The following TOR1AIP1 variants were observed in gnomAD, a reference collection of about 807,000 sequenced individuals.
TOR1AIP1 encodes torsin-1A-interacting protein 1.
Under a neutral mutation model 63.3 loss-of-function variants are expected in TOR1AIP1, and 54 were observed. The ratio of observed to expected loss-of-function variants is 0.85; its 90% CI spans 0.69 to 1.07. The LOEUF (loss-of-function observed/expected upper bound fraction) is 1.07, where lower values mean the gene tolerates loss of function less well. Among genes scored for constraint, TOR1AIP1 ranks in the 50% least tolerant of loss-of-function variants. TOR1AIP1 has a pLI of 0.00. For synonymous variants in TOR1AIP1, 294 were observed against 273.5 expected (o/e 1.07, Z -0.74); for missense variants, 736 against 715.0 (o/e 1.03, Z -0.33).
chr1:179,919,920 CA>C lies in TOR1AIP1; in HGVS notation c.*1684del, dbSNP rs1649145527. On this transcript the variant is annotated 3_prime_UTR_variant, in exon 10 of 10. Coordinates refer to ENST00000606911, the MANE Select transcript of TOR1AIP1 (RefSeq NM_015602.4). ...TATACATACGTATTATATAGAGAAA[CA>C]AATGTTTTTATTAAATGTTTCATTG... 6.6e-6 allele frequency: 1 copy of C among 152,106 alleles called. No homozygotes were observed. Among genetic ancestry groups the C allele is most frequent in the Admixed American group, 6.6e-5 (1 of 15,264 alleles). The allele number at this position is 152,106 out of a possible 1,614,324, so 9.4% of individuals were successfully genotyped here. A position where few individuals can be genotyped will look rare whatever the true frequency, so the allele number is the denominator to read the frequency against.
intron 3 of TOR1AIP1, among the ~76,000 whole-genome samples, chr1:179,890,909 T>C (rs1648055146): frequency 6.6e-6 from 1 of 151,870 alleles, no homozygotes; most frequent in Admixed American, 6.6e-5. Flanking sequence ...CATGCACAAC[T>C]GCGCCCAACC....
intron 9 of TOR1AIP1, 69 bp downstream of exon 9, chr1:179,914,123 G>A: frequency 7.2e-7 from 1 of 1,390,210 alleles, no homozygotes; most frequent in Non-Finnish European, 1.0e-6. Flanking sequence ...GTTTAAAAAT[G>A]TTTTTTGACA....
intron 2 of TOR1AIP1, among the ~76,000 whole-genome samples, chr1:179,885,859 G>T (rs1284441907): frequency 6.6e-6 from 1 of 152,014 alleles, no homozygotes; most frequent in East Asian, 1.9e-4. Flanking sequence ...TCCTGCCATA[G>T]CCTCCTGAGT....
intron 9 of TOR1AIP1, among the ~76,000 whole-genome samples, chr1:179,914,652 G>A (rs779325111): frequency 1.8e-4 from 28 of 152,092 alleles, no homozygotes; most frequent in Non-Finnish European, 4.0e-4. Context: ...AAATTAGCTG[G>A]GCGTGGTGGC....
In TOR1AIP1 at chr1:179,882,795, A is replaced by T; in HGVS notation, c.293A>T (p.Glu98Val). 1.9e-6 allele frequency: 3 copies of T among 1,614,110 alleles called. No individual in the cohort carries two copies. The highest frequency in any genetic ancestry group is 4.5e-5 in the East Asian group (2 of 44,878). Residue 98 changes from glutamate to valine, a missense_variant, in exon 1 of 10, where the codon GAA (glutamate) becomes GTA (valine). Glu to Val is a moderately radical substitution (Grantham distance 121, BLOSUM62 -2). Transcript: ENST00000606911. ...TTCCGGTCCGATTCTGCGAAAGAGG[A>T]AGTGAGAGAAAGCGCGTACTACCTT... ...EEFRSDSAKE[E>V]VRESAYYLRS...
At chr1:179,917,077 AT>A (rs1326232851) in intron 9 of TOR1AIP1, among the ~76,000 whole-genome samples, 2 of 152,214 alleles carry the variant, frequency 1.3e-5, no homozygotes, top group African/African-American at 2.4e-5. Context: ...AATTAAAAAA[AT>A]ATTTTATAAA....
chr1:179,916,606 C>T (rs1035068874), intron 9 of TOR1AIP1, among the ~76,000 whole-genome samples: 4 of 151,594 alleles, frequency 2.6e-5, no homozygotes, highest in African/African-American at 9.7e-5. Flanking sequence ...CCAGTGTTAA[C>T]TTGCATACCA....
chr1:179,904,140 T>C lies in TOR1AIP1; in HGVS notation c.796+118T>C, dbSNP rs1026253867. On this transcript the variant is annotated intron_variant, in intron 6 of 9. Coordinates refer to ENST00000606911, the MANE Select transcript of TOR1AIP1 (RefSeq NM_015602.4). ...ATTGAACAAGAGGAATAATGAATGC[T>C]AAAAAAAAACTTATCCGATATCTCT... is the stretch of plus-strand genomic sequence containing the variant. The C allele has an allele frequency of 4.4e-5, 32 of 720,162 alleles. No individual in the cohort carries two copies. In the African/African-American group the frequency reaches 5.3e-4, roughly 12 times the overall value. The allele number at this position is 720,162 out of a possible 1,614,324, so 44.6% of individuals were successfully genotyped here.
intron 3 of TOR1AIP1, among the ~76,000 whole-genome samples, chr1:179,893,078 TA>T (rs1422373161): frequency 6.6e-6 from 1 of 151,852 alleles, no homozygotes; most frequent in African/African-American, 2.4e-5. Flanking sequence ...CTGTCTCTAC[TA>T]AAAATACAAA....
intron 9 of TOR1AIP1, among the ~76,000 whole-genome samples, chr1:179,914,456 T>C (rs1325546106): frequency 1.3e-5 from 2 of 152,164 alleles, no homozygotes; most frequent in Non-Finnish European, 2.9e-5. Context: ...TTGTGGCAAG[T>C]TTCTTTAGTT....
rs1365596054 is a variant in TOR1AIP1 at position 179,915,485 on chromosome 1, GT to G, written c.964+1432del. Among the ~76,000 whole-genome samples the G allele has an allele frequency of 2.0e-5, 3 of 152,264 alleles. No homozygotes were observed. The East Asian group carries it at 5.8e-4, about 29-fold the overall frequency. ...AAAAAAGTGTTAAAGGGTGGGGTTCGTGGCCCATGCCTGTAATCCCAACATT... is the reference window on the plus strand; with the variant it reads ...AAAAAAGTGTTAAAGGGTGGGGTTCGGGCCCATGCCTGTAATCCCAACATT... On this transcript the variant is annotated intron_variant, in intron 9 of 9. Coordinates refer to ENST00000606911, the MANE Select transcript of TOR1AIP1 (RefSeq NM_015602.4).
chr1:179,886,480 C>T (rs1158231206), intron 2 of TOR1AIP1, among the ~76,000 whole-genome samples: 1 of 152,100 alleles, frequency 6.6e-6, no homozygotes, highest in African/African-American at 2.4e-5. Flanking sequence ...GTTATTTGCC[C>T]TGCATAACTC....
chr1:179,901,273 A>G (rs752918452), intron 4 of TOR1AIP1, 29 bp from the exon 5 acceptor site: 5 of 1,457,232 alleles, frequency 3.4e-6, no homozygotes, highest in East Asian at 2.3e-5. Context: ...AAAATAGACT[A>G]TATTAGTATA....
At position 179,917,708 on chromosome 1, in the gene TOR1AIP1, T is replaced by A; in HGVS notation, c.1221T>A (p.Pro407=). The A allele has an allele frequency of 2.5e-6, 4 of 1,614,240 alleles. No homozygotes were observed. The highest frequency in any genetic ancestry group is 3.4e-6 in the Non-Finnish European group (4 of 1,180,048). ...ATAGCTCCCATCCTCGGTCTCAGCC[T>A]GCTATCTTACTGCTCACTGCTGCCC... is the stretch of plus-strand genomic sequence containing the variant. ...HLNSSHPRSQ[P]AILLLTAARD... The change falls in exon 10 of 10, where the codon CCT becomes CCA. Residue 407 remains proline (P), a synonymous_variant. Transcript: ENST00000606911.
At chr1:179,914,391 G>A (rs1289923777) in intron 9 of TOR1AIP1, among the ~76,000 whole-genome samples, 3 of 152,174 alleles carry the variant, frequency 2.0e-5, no homozygotes, top group East Asian at 1.9e-4. Flanking sequence ...AATGGCTTTC[G>A]GAGTCTGCAA....
chr1:179,895,833 C>T (rs1648248577), intron 3 of TOR1AIP1, among the ~76,000 whole-genome samples: 1 of 151,824 alleles, frequency 6.6e-6, no homozygotes, highest in South Asian at 2.1e-4. Context: ...CCGGGAGAAT[C>T]ACTTGAACCC....
chr1:179,883,002 C>A, intron 1 of TOR1AIP1, 25 bp downstream of exon 1: 1 of 1,589,308 alleles, frequency 6.3e-7, no homozygotes, highest in African/African-American at 1.3e-5. Context: ...GGTAACAGTC[C>A]CAGCCGCGAG....
intron 9 of TOR1AIP1, among the ~76,000 whole-genome samples, chr1:179,915,441 C>G (rs1403597044): frequency 6.6e-6 from 1 of 152,208 alleles, no homozygotes; most frequent in Non-Finnish European, 1.5e-5. Flanking sequence ...GTTAACATCA[C>G]TGCCAATCTC....
rs116651526 is a variant in TOR1AIP1, at chr1:179,883,363, C to T, written c.475+386C>T. ...GCGGATGTTTCTACAGAAACCACTT[C>T]CATTTCCTTCTTTAACGCTCGCGGG... On this transcript the variant is annotated intron_variant, in intron 1 of 9. Coordinates refer to ENST00000606911, the MANE Select transcript of TOR1AIP1 (RefSeq NM_015602.4). Among the ~76,000 whole-genome samples, 1,466 of 152,296 alleles carry T rather than the reference C, an allele frequency of 9.6e-3. 24 individuals are homozygous for T. Among genetic ancestry groups the T allele is most frequent in the African/African-American group, 0.032 (1,322 of 41,572 alleles).
Sources: gnomAD v4.1 joint callset for allele counts (sites outside exome capture counted in the v4.1 genomes callset) on GRCh38, gnomAD v4.1.1 for gene constraint, MANE v1.5 for transcripts, NCBI Gene and HGNC (gene_info 2026-07-23, HGNC 2026-07-21) for gene names.